The following SPATA17 variants were observed in gnomAD, a reference collection of about 807,000 sequenced individuals.
SPATA17 encodes the protein spermatogenesis-associated protein 17.
A neutral mutation model predicts 62.2 loss-of-function variants in SPATA17; 53 were observed. That is an observed-to-expected ratio of 0.85 (90% CI 0.68 to 1.07). The LOEUF (loss-of-function observed/expected upper bound fraction) is 1.07. SPATA17 is among the 50% of genes least tolerant of loss of function. The pLI is 0.00. For missense variants in SPATA17, 466 were observed against 425.5 expected, an observed-to-expected ratio of 1.10 and a Z score of -0.84; for synonymous variants, 146 against 146.8, an observed-to-expected ratio of 0.99 and a Z score of 0.04.
intron 6 of SPATA17, among the ~76,000 whole-genome samples, chr1:217,745,004 C>A (rs1672714036): frequency 6.6e-6 from 1 of 152,162 alleles, no homozygotes; most frequent in African/African-American, 2.4e-5. Flanking sequence ...TAATTTTCTT[C>A]CATTAATCTT....
intron 5 of SPATA17, among the ~76,000 whole-genome samples, chr1:217,690,009 T>TTC (rs2102911185): frequency 6.6e-6 from 1 of 152,138 alleles, no homozygotes; most frequent in Admixed American, 6.5e-5. Flanking sequence ...GTTCAAGCGA[T>TTC]TCTCCTGCCT....
At chr1:217,841,110 T>C (rs1473551498) in intron 9 of SPATA17, among the ~76,000 whole-genome samples, 1 of 151,958 alleles carries the variant, frequency 6.6e-6, no homozygotes, top group Admixed American at 6.6e-5. Context: ...AGTGGTAAAA[T>C]GTTTCACTTA....
At chr1:217,808,381 A>ACAC (rs1311620468) in intron 9 of SPATA17, among the ~76,000 whole-genome samples, 1 of 67,392 alleles carries the variant, frequency 1.5e-5, no homozygotes, top group African/African-American at 3.6e-5. Context: ...ACACACACAC[A>ACAC]CCCCCCTCAG....
intron 5 of SPATA17, among the ~76,000 whole-genome samples, chr1:217,719,070 G>A (rs1672067733): frequency 6.6e-6 from 1 of 152,182 alleles, no homozygotes; most frequent in South Asian, 2.1e-4. Context: ...CCTGCCCTCA[G>A]GCAATCATAA....
chr1:217,853,642 G>A (rs796137167), intron 9 of SPATA17, among the ~76,000 whole-genome samples: 9 of 152,240 alleles, frequency 5.9e-5, no homozygotes, highest in African/African-American at 1.2e-4. Context: ...GGTGAATAAC[G>A]AACCATTGTT....
At chr1:217,688,096 G>A (rs1671261363) in intron 5 of SPATA17, among the ~76,000 whole-genome samples, 2 of 152,056 alleles carry the variant, frequency 1.3e-5, no homozygotes, top group Admixed American at 1.3e-4. Flanking sequence ...CAGGCACAGC[G>A]GTGCATGCCT....
At chr1:217,850,355 G>A in intron 9 of SPATA17, 1 of 702,298 alleles carries the variant, frequency 1.4e-6, no homozygotes, top group East Asian at 3.0e-5. Context: ...TGGCTATAGT[G>A]CAGTGTAATG....
At chr1:217,734,889 C>A (rs946363266) in intron 5 of SPATA17, among the ~76,000 whole-genome samples, 1 of 152,062 alleles carries the variant, frequency 6.6e-6, no homozygotes, top group Non-Finnish European at 1.5e-5. Context: ...TGAGAAAGTG[C>A]ATTTTTATTA....
At chr1:217,717,667 C>A (rs939956830) in intron 5 of SPATA17, among the ~76,000 whole-genome samples, 3 of 151,930 alleles carry the variant, frequency 2.0e-5, no homozygotes, top group Non-Finnish European at 4.4e-5. Flanking sequence ...TTACAAATCC[C>A]ATCTTCTCTA....
chr1:217,727,281 AATAAT>A lies in SPATA17; in HGVS notation c.396-14692_396-14688del, dbSNP rs72282638. Among the ~76,000 whole-genome samples, 1,182 of 149,380 alleles carry A rather than the reference AATAAT, an allele frequency of 7.9e-3. 17 individuals are homozygous for A. Among genetic ancestry groups the A allele is most frequent in the African/African-American group, 0.027 (1,117 of 41,002 alleles). Reference sequence around the variant, plus strand: ...TAATAATAATAATAATAATAATAATAATAATAACAACAAAAAACTGTTATTCTTAT... The same window carrying A: ...TAATAATAATAATAATAATAATAATAAACAACAAAAAACTGTTATTCTTAT... On this transcript the variant is annotated intron_variant, in intron 5 of 10. Coordinates refer to ENST00000366933, the MANE Select transcript of SPATA17 (RefSeq NM_138796.4).
intron 4 of SPATA17, among the ~76,000 whole-genome samples, chr1:217,670,742 G>A (rs997791921): frequency 6.6e-6 from 1 of 152,068 alleles, no homozygotes; most frequent in Non-Finnish European, 1.5e-5. Flanking sequence ...CCTGACGTCA[G>A]GAGTTCGAGG....
intron 6 of SPATA17, among the ~76,000 whole-genome samples, chr1:217,753,675 A>G (rs891579679): frequency 5.9e-5 from 9 of 152,148 alleles, no homozygotes; most frequent in East Asian, 1.9e-4. Context: ...ACATACATGT[A>G]TACATGTTAT....
chr1:217,632,934 A>T (rs1325491001), intron 1 of SPATA17, among the ~76,000 whole-genome samples: 1 of 152,246 alleles, frequency 6.6e-6, no homozygotes, highest in African/African-American at 2.4e-5. Flanking sequence ...TCAGTGGCTC[A>T]TGCCTGTAAT....
chr1:217,748,770 T>C (rs572500954), intron 6 of SPATA17, among the ~76,000 whole-genome samples: 1 of 151,700 alleles, frequency 6.6e-6, no homozygotes, highest in African/African-American at 2.4e-5. Flanking sequence ...AAAACTTTAA[T>C]TCTTCCAAAT....
At chr1:217,838,380 T>C (rs1025567824) in intron 9 of SPATA17, among the ~76,000 whole-genome samples, 3 of 152,074 alleles carry the variant, frequency 2.0e-5, no homozygotes, top group Non-Finnish European at 2.9e-5. Flanking sequence ...AACTTGAAAA[T>C]ACCACCAGTT....
intron 5 of SPATA17, among the ~76,000 whole-genome samples, chr1:217,696,353 G>A (rs774107660): frequency 6.2e-4 from 95 of 152,132 alleles, no homozygotes; most frequent in Non-Finnish European, 8.4e-4. Context: ...GCTTCGGCTC[G>A]CGCACAGTGC....
intron 6 of SPATA17, among the ~76,000 whole-genome samples, chr1:217,748,393 A>T (rs561449163): frequency 1.8e-4 from 27 of 151,986 alleles, no homozygotes; most frequent in African/African-American, 2.9e-4. Flanking sequence ...AATCTTTTTT[A>T]AAAAAATTAT....
intron 9 of SPATA17, among the ~76,000 whole-genome samples, chr1:217,809,628 T>A (rs1674535000): frequency 6.6e-6 from 1 of 152,110 alleles, no homozygotes; most frequent in Admixed American, 6.5e-5. Flanking sequence ...AAGAATCTAA[T>A]CTAATCAGAG....
chr1:217,844,523 T>A (rs1675482161), intron 9 of SPATA17, among the ~76,000 whole-genome samples: 1 of 152,098 alleles, frequency 6.6e-6, no homozygotes, highest in Non-Finnish European at 1.5e-5. Context: ...GAATGGGGTA[T>A]TTGAGAACTA....
Sources: allele counts gnomAD v4.1 joint callset (sites outside exome capture counted in the v4.1 genomes callset), GRCh38; gene constraint gnomAD v4.1.1; transcripts MANE v1.5; gene names NCBI Gene and HGNC (gene_info 2026-07-23, HGNC 2026-07-21).